Variants in ACTR3C observed in about 807,000 individuals in gnomAD.
ACTR3C encodes actin-related protein 3C.
A neutral mutation model predicts 26.3 loss-of-function variants in ACTR3C; 18 were observed. That is an observed-to-expected ratio of 0.68 (90% CI 0.47 to 1.01). The LOEUF is 1.01. Among genes scored for constraint, ACTR3C ranks in the 50% least tolerant of loss-of-function variants. The pLI, the probability that ACTR3C is intolerant of heterozygous loss-of-function variation, is 0.00. For missense variants in ACTR3C, 184 were observed against 250.7 expected (o/e 0.73, Z 1.80); for synonymous variants, 55 against 94.5 (o/e 0.58, Z 2.42).
At chr7:150,121,283 T>C in the ACTR3C span, among the ~76,000 whole-genome samples, 1 of 152,168 alleles carries the variant, frequency 6.6e-6, no homozygotes, top group African/African-American at 2.4e-5. Flanking sequence ...AGAGAGGAAG[T>C]CAAATTGTCT....
At chr7:149,956,880 C>T in the ACTR3C span, among the ~76,000 whole-genome samples, 44 of 152,312 alleles carry the variant, frequency 2.9e-4, no homozygotes, top group African/African-American at 8.4e-4. Context: ...TATCTTCCCA[C>T]GGGCTACTCC....
chr7:149,935,850 T>G, the ACTR3C span, among the ~76,000 whole-genome samples: 1 of 152,376 alleles, frequency 6.6e-6, no homozygotes, highest in Non-Finnish European at 1.5e-5. Context: ...GAGAAAGGTG[T>G]GGTGCAGTGC....
the ACTR3C span, among the ~76,000 whole-genome samples, chr7:149,955,994 G>A: frequency 8.5e-5 from 13 of 152,170 alleles, no homozygotes; most frequent in South Asian, 2.1e-4. Flanking sequence ...TTTGATATAC[G>A]GAAACCTGAG....
chr7:149,883,940 G>A, the ACTR3C span, among the ~76,000 whole-genome samples: 1 of 150,820 alleles, frequency 6.6e-6, no homozygotes, highest in Non-Finnish European at 1.5e-5. Flanking sequence ...CAGCATCCCT[G>A]AGAGATCTAG....
At chr7:149,917,471 G>T in the ACTR3C span, among the ~76,000 whole-genome samples, 1 of 152,056 alleles carries the variant, frequency 6.6e-6, no homozygotes, top group South Asian at 2.1e-4. Context: ...AGACTTTTCA[G>T]TTCTGCAAAG....
the ACTR3C span, among the ~76,000 whole-genome samples, chr7:150,041,899 G>C: frequency 7.7e-6 from 1 of 129,698 alleles, no homozygotes; most frequent in Non-Finnish European, 1.7e-5. Flanking sequence ...TGCGATGGGG[G>C]TCCTCAGAGC....
the ACTR3C span, among the ~76,000 whole-genome samples, chr7:150,155,006 A>G: frequency 6.6e-6 from 1 of 152,186 alleles, no homozygotes; most frequent in African/African-American, 2.4e-5. Context: ...GTAGACAAAC[A>G]CAGGCCTAAG....
At chr7:150,037,885 G>C in the ACTR3C span, among the ~76,000 whole-genome samples, 2 of 128,822 alleles carry the variant, frequency 1.6e-5, no homozygotes, top group African/African-American at 2.9e-5. Flanking sequence ...AGAGCAAAGG[G>C]GGGAAGAGGG....
chr7:150,107,307 G>T, the ACTR3C span, among the ~76,000 whole-genome samples: 1 of 151,542 alleles, frequency 6.6e-6, no homozygotes, highest in Admixed American at 6.6e-5. Context: ...TTATTCAGGT[G>T]AAATAAAATT....
chr7:150,088,744 G>T, the ACTR3C span, among the ~76,000 whole-genome samples: 138 of 152,254 alleles, frequency 9.1e-4, 1 homozygote, highest in Middle Eastern at 6.8e-3. Context: ...ACTATTACAG[G>T]TCTTAATGTC....
At chr7:149,921,757 A>G in the ACTR3C span, among the ~76,000 whole-genome samples, 1 of 152,046 alleles carries the variant, frequency 6.6e-6, no homozygotes, top group Non-Finnish European at 1.5e-5. Flanking sequence ...GGCACCTGTA[A>G]TCCTAGCTAC....
intron 1 of ACTR3C, among the ~76,000 whole-genome samples, chr7:150,312,367 G>A (rs984781757): frequency 2.6e-5 from 4 of 152,082 alleles, no homozygotes; most frequent in South Asian, 2.1e-4. Flanking sequence ...GAACTTCTCC[G>A]TTCAGACCGC....
At chr7:150,017,295 G>A in the ACTR3C span, among the ~76,000 whole-genome samples, 1,279 of 151,606 alleles carry the variant, frequency 8.4e-3, 8 homozygotes, top group Non-Finnish European at 0.013. Context: ...TTCCCAGCCC[G>A]CAAGTTTCAA....
chr7:150,320,319 T>C (rs2108854), intron 1 of ACTR3C, among the ~76,000 whole-genome samples: 38,761 of 152,202 alleles, frequency 0.25, 5,158 homozygotes, highest in East Asian at 0.42. Context: ...GTGTAGGATA[T>C]TAGAGCTAAG....
At chr7:150,158,806 A>G in the ACTR3C span, among the ~76,000 whole-genome samples, 11 of 152,014 alleles carry the variant, frequency 7.2e-5, no homozygotes, top group Non-Finnish European at 1.2e-4. Flanking sequence ...ACACACACGC[A>G]CACACACAGG....
intron 7 of ACTR3C, chr7:150,247,839 C>G (rs1325707963): frequency 6.6e-6 from 1 of 151,540 alleles, no homozygotes; most frequent in East Asian, 1.9e-4. Flanking sequence ...CTGCCTCCCA[C>G]TCTTTTGTTC....
At chr7:149,909,752 G>A in the ACTR3C span, 18 of 351,180 alleles carry the variant, frequency 5.1e-5, no homozygotes, top group East Asian at 3.7e-4. Context: ...TAATACTCTC[G>A]TCTATATTGG....
rs2531026 is a variant in ACTR3C, at chr7:150,301,893, T to C, written c.-51-6546A>G. 2.9e-3 allele frequency among the ~76,000 whole-genome samples: 444 copies of C among 151,100 alleles called. 4 individuals carry two copies. Among genetic ancestry groups the C allele is most frequent in the African/African-American group, 0.01 (409 of 40,488 alleles). Reference sequence around the variant, plus strand: ...AGGAGTAAAGAGAATTCGTGTTCAATGGGGACAGAGTTTTAGTTTGGGAAG... The same window carrying C: ...AGGAGTAAAGAGAATTCGTGTTCAACGGGGACAGAGTTTTAGTTTGGGAAG... On this transcript the variant is annotated intron_variant, in intron 1 of 7. Transcript: ENST00000683684.
At chr7:150,256,377 T>A (rs1833223648) in intron 6 of ACTR3C, among the ~76,000 whole-genome samples, 3 of 152,280 alleles carry the variant, frequency 2.0e-5, no homozygotes, top group South Asian at 2.1e-4. Context: ...TGAACTAACT[T>A]ACATTCCCAT....
Sources: gnomAD v4.1 joint callset for allele counts (sites outside exome capture counted in the v4.1 genomes callset) on GRCh38, gnomAD v4.1.1 for gene constraint, MANE v1.5 for transcripts, NCBI Gene and HGNC (gene_info 2026-07-23, HGNC 2026-07-21) for gene names.